RYR1: variants seen among roughly 807,000 people sequenced by gnomAD.
RYR1 encodes central core disease of muscle.
In RYR1, 342 loss-of-function variants were observed where a neutral mutation model predicts 583.5. The observed-to-expected ratio is 0.59, with a 90% CI of 0.54 to 0.64. The LOEUF is 0.64. RYR1 is among the 30% of genes least tolerant of loss of function. The pLI, the probability that RYR1 is intolerant of heterozygous loss-of-function variation, is 0.00. For missense variants in RYR1, 6,032 were observed against 6,917.2 expected (o/e 0.87, Z 4.54); for synonymous variants, 2,791 against 2,822.5 (o/e 0.99, Z 0.35).
intron 57 of RYR1, among the ~76,000 whole-genome samples, chr19:38,507,297 AGGGTG>A (rs1970509791): frequency 8.9e-6 from 1 of 112,578 alleles, no homozygotes; most frequent in African/African-American, 3.5e-5. Context: ...AAGGCTGAAA[AGGGTG>A]GGGCCCGGGG....
rs1568514231 is a variant in RYR1 at position 38,506,938 on chromosome 19, C to T, written c.8802C>T (p.Gly2934=). Residue 2934 remains glycine (G), a synonymous_variant, in exon 57 of 106, where the codon GGC becomes GGT. Coordinates refer to ENST00000359596, the MANE Select transcript of RYR1 (RefSeq NM_000540.3). ...QELLKFLQMN[G]YAVTRGLKDM... Reference sequence around the variant, plus strand: ...TACTGAAATTCCTGCAGATGAATGGCTACGCGGTTACAAGGCACGCGGGTT... The same window carrying T: ...TACTGAAATTCCTGCAGATGAATGGTTACGCGGTTACAAGGCACGCGGGTT... 15 of 1,612,624 alleles carry T rather than the reference C, an allele frequency of 9.3e-6. No homozygotes were observed. The highest frequency in any genetic ancestry group is 1.3e-5 in the African/African-American group (1 of 74,866).
chr19:38,564,517 C>CTTT (rs1014124025), intron 90 of RYR1, among the ~76,000 whole-genome samples: 1 of 143,660 alleles, frequency 7.0e-6, no homozygotes, highest in African/African-American at 2.5e-5. Context: ...TAGATCTTGT[C>CTTT]TTTTTTTTTT....
chr19:38,470,348 G>A (rs542245119), intron 27 of RYR1, among the ~76,000 whole-genome samples: 1 of 151,704 alleles, frequency 6.6e-6, no homozygotes, highest in African/African-American at 2.4e-5. Context: ...TGAGGCAGGA[G>A]GATCCTCTGA....
rs780285943 is a variant in RYR1, at chr19:38,475,299, C to A, written c.4161-19C>A. ...GGCTTGAAAGCTGGCTCTCATGGCG[C>A]CTCTCCTCCCACTACCAGCTTCTTA... On this transcript the variant is annotated intron_variant, in intron 28 of 105. Transcript: ENST00000359596. The A allele has an allele frequency of 6.4e-7, 1 of 1,556,560 alleles. No homozygotes were observed. Among genetic ancestry groups the A allele is most frequent in the Non-Finnish European group, 8.7e-7 (1 of 1,148,280 alleles).
At chr19:38,541,476 GA>G (rs1972186675) in intron 84 of RYR1, among the ~76,000 whole-genome samples, 1 of 152,264 alleles carries the variant, frequency 6.6e-6, no homozygotes, top group African/African-American at 2.4e-5. Context: ...AGCACTTTGG[GA>G]GGCCGAGGCA....
chr19:38,516,306 C>A, intron 65 of RYR1, 89 bp downstream of exon 65: 1 of 1,459,704 alleles, frequency 6.9e-7, no homozygotes, highest in Non-Finnish European at 9.3e-7. Flanking sequence ...GGTAGTGTGG[C>A]TGGGCTGGGC....
Position 38,467,621 on chromosome 19 carries a change from A to G in RYR1, c.3190A>G (p.Asn1064Asp), listed in dbSNP as rs1374278669. The G allele has an allele frequency of 6.2e-7, 1 of 1,614,176 alleles. No homozygotes were observed. Among genetic ancestry groups the G allele is most frequent in the Admixed American group, 1.7e-5 (1 of 60,010 alleles). ...GGCCTCATTTATAGGTCAGGTGGAG[A>G]ACCAGTCTCGTTGTGACCGGGTGCG... The part of the protein sequence containing the change: ...PPDQEPSQVE[N>D]QSRCDRVRIF... The change falls in exon 25 of 106, where the codon AAC becomes GAC. Residue 1064 changes from asparagine to aspartate, a missense_variant. Transcript: ENST00000359596.
At chr19:38,532,345 A>G in intron 76 of RYR1, 145 bp from the exon 77 acceptor site, 1 of 795,180 alleles carries the variant, frequency 1.3e-6, no homozygotes, top group South Asian at 1.5e-5. Flanking sequence ...TTGGTTTCAG[A>G]CTCCTGATCT....
intron 34 of RYR1, among the ~76,000 whole-genome samples, chr19:38,487,338 T>A (rs945518090): frequency 6.6e-6 from 1 of 152,164 alleles, no homozygotes; most frequent in Non-Finnish European, 1.5e-5. Flanking sequence ...TATATCCATC[T>A]TTTTGGTTTT....
chr19:38,547,077 C>G (rs905040252), intron 88 of RYR1, among the ~76,000 whole-genome samples: 1 of 151,244 alleles, frequency 6.6e-6, no homozygotes, highest in Non-Finnish European at 1.5e-5. Flanking sequence ...CTCGCTCTGC[C>G]GCTCAGGCTG....
At position 38,535,143 on chromosome 19, in the gene RYR1, G is replaced by C; in HGVS notation, c.11362G>C (p.Glu3788Gln). ...VLQMISACKG[E>Q]TGAMVSSTLK... The stretch of plus-strand genomic sequence containing the variant: ...CTTTTTTCTCCCACTCCCTCCAGGA[G>C]AGACAGGTGCCATGGTGTCCTCCAC... Residue 3788 changes from glutamate (E) to glutamine (Q), a missense_variant and splice_region_variant, in exon 80 of 106, where the codon GAG (glutamate) becomes CAG (glutamine). Coordinates refer to ENST00000359596, the MANE Select transcript of RYR1 (RefSeq NM_000540.3). 6.2e-7 allele frequency: 1 copy of C among 1,613,666 alleles called. No homozygotes were observed. Among genetic ancestry groups the C allele is most frequent in the Non-Finnish European group, 8.5e-7 (1 of 1,180,020 alleles).
At position 38,502,604 on chromosome 19, in the gene RYR1, G is replaced by A. The variant is rs777293791; in HGVS notation, c.7712G>A (p.Gly2571Asp). The A allele has an allele frequency of 6.2e-7, 1 of 1,612,890 alleles. No individual in the cohort carries two copies. Among genetic ancestry groups the A allele is most frequent in the Non-Finnish European group, 8.5e-7 (1 of 1,179,898 alleles). ...LITKCAPLFAGTEHRAIMVDS... is the reference protein window; with the variant it reads ...LITKCAPLFADTEHRAIMVDS... ...ACCAAGTGTGCGCCGCTCTTTGCGG[G>A]CACAGAACACCGCGCCATCATGGTG... Residue 2571 changes from glycine (G) to aspartate (D), a missense_variant, in exon 48 of 106, where the codon GGC becomes GAC. Physicochemically the swap from Gly to Asp is moderately conservative, Grantham distance 94. Transcript: ENST00000359596.
At chr19:38,545,120 A>T (rs1355942644) in intron 87 of RYR1, among the ~76,000 whole-genome samples, 1 of 152,076 alleles carries the variant, frequency 6.6e-6, no homozygotes, top group Non-Finnish European at 1.5e-5. Flanking sequence ...ATTGGGTCAC[A>T]TGTCCCTCCC....
intron 31 of RYR1, among the ~76,000 whole-genome samples, chr19:38,480,896 T>A (rs1370456576): frequency 6.6e-6 from 1 of 151,652 alleles, no homozygotes; most frequent in Non-Finnish European, 1.5e-5. Flanking sequence ...CCCAGCTAAT[T>A]TTTGTATTTT....
chr19:38,442,553 G>A (rs892474776), intron 3 of RYR1, 100 bp downstream of exon 3: 6 of 811,856 alleles, frequency 7.4e-6, no homozygotes, highest in Non-Finnish European at 1.1e-5. Context: ...GAGGACCCGG[G>A]GGTCGCTTAC....
At chr19:38,470,312 C>T (rs930341227) in intron 27 of RYR1, among the ~76,000 whole-genome samples, 24 of 151,794 alleles carry the variant, frequency 1.6e-4, no homozygotes, top group Non-Finnish European at 2.9e-4. Flanking sequence ...GTGGCACATG[C>T]CTGGTGTCCC....
intron 25 of RYR1, among the ~76,000 whole-genome samples, chr19:38,468,090 ATCCAACCATCCAT>A (rs1459680295): frequency 1.0e-4 from 15 of 148,108 alleles, no homozygotes; most frequent in Admixed American, 3.4e-4. Context: ...CCATCCATCC[ATCCAACCATCCAT>A]CCAGCTAACC....
intron 101 of RYR1, among the ~76,000 whole-genome samples, chr19:38,583,364 G>A (rs1487466049): frequency 2.0e-5 from 3 of 147,832 alleles, no homozygotes; most frequent in Admixed American, 6.8e-5. Flanking sequence ...CTGTATTCCC[G>A]ACTACTCAGG....
chr19:38,513,080 G>A (rs1180022591), intron 63 of RYR1, among the ~76,000 whole-genome samples: 2 of 152,248 alleles, frequency 1.3e-5, no homozygotes, highest in African/African-American at 4.8e-5. Context: ...GCTCACGCCT[G>A]TAATCCCAGC....
Sources: allele counts gnomAD v4.1 joint callset (sites outside exome capture counted in the v4.1 genomes callset), GRCh38; gene constraint gnomAD v4.1.1; transcripts MANE v1.5; gene names NCBI Gene and HGNC (gene_info 2026-07-23, HGNC 2026-07-21).